RBFOX3: variants seen among roughly 807,000 people sequenced by gnomAD.
RBFOX3 encodes the protein RNA binding protein fox-1 homolog 3.
RBFOX3 carries 17 observed loss-of-function variants against 48.7 expected under a neutral mutation model. The ratio of observed to expected loss-of-function variants is 0.35; its 90% CI spans 0.24 to 0.52. RBFOX3 has a LOEUF of 0.52. Among genes scored for constraint, RBFOX3 ranks in the 20% least tolerant of loss-of-function variants. RBFOX3 has a pLI of 0.94. For synonymous variants in RBFOX3, 212 were observed against 209.5 expected, an observed-to-expected ratio of 1.01 and a Z score of -0.10; for missense variants, 382 against 497.5, an observed-to-expected ratio of 0.77 and a Z score of 2.21.
At chr17:79,458,604 A>T (rs2074933208) in intron 2 of RBFOX3, among the ~76,000 whole-genome samples, 1 of 152,156 alleles carries the variant, frequency 6.6e-6, no homozygotes, top group Non-Finnish European at 1.5e-5. Flanking sequence ...ATTAAAAAAA[A>T]AAAAGGTTGA....
intron 4 of RBFOX3, among the ~76,000 whole-genome samples, chr17:79,231,300 G>A (rs1217492885): frequency 6.6e-6 from 1 of 152,164 alleles, no homozygotes; most frequent in African/African-American, 2.4e-5. Flanking sequence ...GTTGAGGCGA[G>A]AACCCCCTGG....
chr17:79,192,025 G>A (rs913244127), intron 4 of RBFOX3, among the ~76,000 whole-genome samples: 1 of 152,158 alleles, frequency 6.6e-6, no homozygotes, highest in African/African-American at 2.4e-5. Flanking sequence ...GGGTGTGGAA[G>A]CTTGTCTTGA....
the RBFOX3 span, among the ~76,000 whole-genome samples, chr17:79,655,893 G>A: frequency 3.3e-5 from 5 of 151,994 alleles, 1 homozygote; most frequent in South Asian, 4.2e-4. Context: ...CCCACTGCCC[G>A]ACCCGCCTGA....
At chr17:79,563,292 G>A (rs1402411371) in intron 1 of RBFOX3, among the ~76,000 whole-genome samples, 1 of 152,170 alleles carries the variant, frequency 6.6e-6, no homozygotes, top group African/African-American at 2.4e-5. Context: ...GAACAAGCCA[G>A]AGGCTGACTC....
At chr17:79,662,815 G>A in the RBFOX3 span, among the ~76,000 whole-genome samples, 1 of 152,164 alleles carries the variant, frequency 6.6e-6, no homozygotes, top group Non-Finnish European at 1.5e-5. Context: ...CCGTGGGGAA[G>A]GCATCTGTGG....
chr17:79,167,063 T>C (rs56665204), intron 4 of RBFOX3, among the ~76,000 whole-genome samples: 26,215 of 152,042 alleles, frequency 0.17, 3,520 homozygotes, highest in African/African-American at 0.37. Context: ...GGCGGGCACG[T>C]CACCCCCACG....
chr17:79,118,817 A>T lies in RBFOX3; in HGVS notation c.-33-3069T>A, dbSNP rs569872476. The stretch of plus-strand genomic sequence containing the variant: ...GTGAAACCCTCTCTACAAAAAATAA[A>T]AAAAAAAAAAATAGCCAGGTGTGGT... On this transcript the variant is annotated intron_variant, in intron 4 of 14. Transcript: ENST00000693108. Among the ~76,000 whole-genome samples the T allele has an allele frequency of 5.2e-3, 371 of 71,494 alleles. 5 individuals are homozygous for T. The highest frequency in any genetic ancestry group is 0.014 in the African/African-American group (343 of 24,028). The allele number at this position is 71,494 out of a possible 152,430, so 46.9% of individuals were successfully genotyped here.
intron 3 of RBFOX3, among the ~76,000 whole-genome samples, chr17:79,268,270 G>A (rs764108327): frequency 4.6e-5 from 7 of 152,054 alleles, no homozygotes; most frequent in African/African-American, 7.2e-5. Flanking sequence ...CTCTGTAACC[G>A]TCCCAGTGTT....
chr17:79,410,074 T>C (rs2064078483), intron 2 of RBFOX3, among the ~76,000 whole-genome samples: 1 of 152,230 alleles, frequency 6.6e-6, no homozygotes. Context: ...CCACTGCCAC[T>C]CTCCACCCTT....
intron 4 of RBFOX3, among the ~76,000 whole-genome samples, chr17:79,196,512 ATAG>A (rs1305938142): frequency 6.6e-6 from 1 of 152,236 alleles, no homozygotes; most frequent in Non-Finnish European, 1.5e-5. Context: ...CAGCTGGCAC[ATAG>A]TAGATGTTCA....
chr17:79,448,118 C>A (rs2072718081), intron 2 of RBFOX3, among the ~76,000 whole-genome samples: 1 of 152,170 alleles, frequency 6.6e-6, no homozygotes, highest in Non-Finnish European at 1.5e-5. Context: ...TCCATTAAAC[C>A]TCTTTTCTTC....
intron 2 of RBFOX3, among the ~76,000 whole-genome samples, chr17:79,372,516 G>A (rs2058699631): frequency 6.6e-6 from 1 of 151,634 alleles, no homozygotes; most frequent in Admixed American, 6.6e-5. Flanking sequence ...CCCAAGGCCA[G>A]GCCTGGCCCG....
chr17:79,159,408 C>T (rs900884283), intron 4 of RBFOX3, among the ~76,000 whole-genome samples: 12 of 152,274 alleles, frequency 7.9e-5, no homozygotes, highest in East Asian at 1.9e-4. Context: ...CCAATGCCCC[C>T]GGCTTAGCCC....
chr17:79,529,297 C>T (rs914115422), intron 1 of RBFOX3, among the ~76,000 whole-genome samples: 27 of 152,168 alleles, frequency 1.8e-4, no homozygotes, highest in African/African-American at 6.5e-4. Flanking sequence ...CCCCCCACCG[C>T]ATCACCCATC....
intron 2 of RBFOX3, among the ~76,000 whole-genome samples, chr17:79,411,187 C>G (rs150208910): frequency 4.6e-5 from 7 of 152,290 alleles, no homozygotes; most frequent in African/African-American, 1.7e-4. Context: ...GTTCCCAGGA[C>G]TTTCTGTGTG....
rs561971914 is a variant in RBFOX3 at position 79,439,702 on chromosome 17, GCACA to G, written c.-175+42748_-175+42751del. 6.2e-3 allele frequency among the ~76,000 whole-genome samples: 940 copies of G among 152,358 alleles called. 3 individuals are homozygous for G. Among genetic ancestry groups the G allele is most frequent in the Non-Finnish European group, 9.1e-3 (617 of 68,028 alleles). On this transcript the variant is annotated intron_variant, in intron 2 of 14. Coordinates refer to ENST00000693108, the MANE Select transcript of RBFOX3 (RefSeq NM_001350451.2). ...CATGTGCACACGTGCCTCTGCACAT[GCACA>G]CACACTCAGTGGCATACACCACACA...
intron 3 of RBFOX3, among the ~76,000 whole-genome samples, chr17:79,263,004 C>A (rs1356361234): frequency 6.6e-6 from 1 of 152,242 alleles, no homozygotes; most frequent in Non-Finnish European, 1.5e-5. Flanking sequence ...TCAGCTGCCT[C>A]CCCCGGGAGA....
chr17:79,656,895 G>GGGAAGGAAGGAAGGAA, the RBFOX3 span, among the ~76,000 whole-genome samples: 22 of 116,416 alleles, frequency 1.9e-4, no homozygotes, highest in South Asian at 1.2e-3. Flanking sequence ...GAAGGAAGGA[G>GGGAAGGAAGGAAGGAA]GGAAGGAAGG....
intron 2 of RBFOX3, among the ~76,000 whole-genome samples, chr17:79,460,133 G>A (rs927946170): frequency 3.3e-5 from 5 of 152,178 alleles, no homozygotes; most frequent in African/African-American, 7.2e-5. Context: ...AATGAGTACA[G>A]GATCTCCTTC....
Sources: gnomAD v4.1 joint callset for allele counts (sites outside exome capture counted in the v4.1 genomes callset) on GRCh38, gnomAD v4.1.1 for gene constraint, MANE v1.5 for transcripts, NCBI Gene and HGNC (gene_info 2026-07-23, HGNC 2026-07-21) for gene names.